RIMBP2: variants seen among roughly 807,000 people sequenced by gnomAD.
The protein encoded by RIMBP2 is RIMS-binding protein 2.
RIMBP2 carries 48 observed loss-of-function variants against 118.6 expected under a neutral mutation model. The observed-to-expected ratio is 0.40, with a 90% CI of 0.32 to 0.51. The LOEUF (loss-of-function observed/expected upper bound fraction) is 0.51. Among genes scored for constraint, RIMBP2 ranks in the 20% least tolerant of loss-of-function variants. The pLI, the probability that RIMBP2 is intolerant of heterozygous loss-of-function variation, is 0.41. For synonymous variants in RIMBP2, 762 were observed against 742.9 expected (o/e 1.03, Z -0.42); for missense variants, 1,551 against 1,768.3 (o/e 0.88, Z 2.20).
At chr12:130,595,334 G>A (rs1169934028) in intron 2 of RIMBP2, among the ~76,000 whole-genome samples, 7 of 151,916 alleles carry the variant, frequency 4.6e-5, no homozygotes, top group African/African-American at 1.5e-4. Context: ...CGAGATGGGC[G>A]GACTATGAGG....
intron 1 of RIMBP2, among the ~76,000 whole-genome samples, chr12:130,708,969 C>T (rs143332659): frequency 6.6e-6 from 1 of 152,348 alleles, no homozygotes; most frequent in East Asian, 1.9e-4. Flanking sequence ...GCCCCTCCAT[C>T]TCTCAAAGAC....
At chr12:130,646,397 A>G (rs1328772306) in intron 1 of RIMBP2, among the ~76,000 whole-genome samples, 1 of 131,486 alleles carries the variant, frequency 7.6e-6, no homozygotes. Flanking sequence ...CTCCCTCACC[A>G]CCTGCCTCTC....
In RIMBP2 at chr12:130,664,403, G is replaced by GCACACACGCA. The variant is rs1555320851; in HGVS notation, c.-351-35948_-351-35947insTGCGTGTGTG. ...CGCACGCGCATGCACACACACGCACGCACGCACGCACACACACGCACACAC... is the reference window on the plus strand; with the variant it reads ...CGCACGCGCATGCACACACACGCACGCACACACGCACACGCACGCACACACACGCACACAC... On this transcript the variant is annotated intron_variant, in intron 1 of 22. Coordinates refer to ENST00000690449, the MANE Select transcript of RIMBP2 (RefSeq NM_001393629.1). Among the ~76,000 whole-genome samples the GCACACACGCA allele has an allele frequency of 1.0e-3, 63 of 61,734 alleles. 2 individuals are homozygous for GCACACACGCA. Among genetic ancestry groups the GCACACACGCA allele is most frequent in the Non-Finnish European group, 2.2e-3 (49 of 22,754 alleles). 40.5% of individuals were successfully genotyped at this position (61,734 alleles called of 152,430 possible).
chr12:130,560,103 G>A (rs1158577295), intron 2 of RIMBP2, among the ~76,000 whole-genome samples: 1 of 152,164 alleles, frequency 6.6e-6, no homozygotes, highest in African/African-American at 2.4e-5. Context: ...TGTTTAATCT[G>A]AGATCTGGGA....
At chr12:130,709,668 G>A (rs1258331856) in intron 1 of RIMBP2, among the ~76,000 whole-genome samples, 1 of 152,122 alleles carries the variant, frequency 6.6e-6, no homozygotes, top group Non-Finnish European at 1.5e-5. Flanking sequence ...GTGATGGGGT[G>A]TGTTCCTGCT....
intron 1 of RIMBP2, among the ~76,000 whole-genome samples, chr12:130,715,849 C>T (rs574847162): frequency 6.6e-5 from 10 of 151,824 alleles, no homozygotes; most frequent in Non-Finnish European, 1.0e-4. Flanking sequence ...CGAGCGGGGC[C>T]GTGTCCATCG....
In RIMBP2 at chr12:130,475,534, G is replaced by C. The variant is rs573722267; in HGVS notation, c.102+3378C>G. On this transcript the variant is annotated intron_variant, in intron 5 of 22. Transcript: ENST00000690449. The surrounding 1 kb of genome is among the most constrained non-coding windows in gnomAD (Gnocchi z 4.1). The stretch of plus-strand genomic sequence containing the variant: ...AGGAAGCTGAGGATGAAAGCACAAA[G>C]AGGCAGGGAGGAGACCCGCAGACGG... Among the ~76,000 whole-genome samples the C allele has an allele frequency of 2.0e-5, 3 of 152,298 alleles. No individual in the cohort carries two copies. The South Asian group carries it at 6.2e-4, about 32-fold the overall frequency.
chr12:130,676,319 T>TAAA (rs34473551), intron 1 of RIMBP2, among the ~76,000 whole-genome samples: 1 of 133,314 alleles, frequency 7.5e-6, no homozygotes, highest in Non-Finnish European at 1.6e-5. Flanking sequence ...GAGGATGGAT[T>TAAA]AAAAAAAAAA....
intron 15 of RIMBP2, chr12:130,427,402 C>T (rs1313312702): frequency 6.6e-6 from 1 of 152,364 alleles, no homozygotes; most frequent in Non-Finnish European, 1.5e-5. Context: ...TCATCCCGCA[C>T]TGCCCTGCAG....
intron 2 of RIMBP2, among the ~76,000 whole-genome samples, chr12:130,612,530 A>G (rs1187680517): frequency 6.6e-6 from 1 of 152,188 alleles, no homozygotes; most frequent in Non-Finnish European, 1.5e-5. Flanking sequence ...AGTCTGGGGT[A>G]TTCTGTACAG....
Position 130,399,696 on chromosome 12 carries a change from G to A in RIMBP2, c.3883C>T (p.Arg1295Cys), listed in dbSNP as rs769354964. ...TTGCTTACCCTTTTTGCCTTTGAGCGCATTGGCGTATCTTGAGAGTAGTGG... is the reference window on the plus strand; with the variant it reads ...TTGCTTACCCTTTTTGCCTTTGAGCACATTGGCGTATCTTGAGAGTAGTGG... ...PSHYSQDTPM[R>C]SKAKRVPPEG... Residue 1295 changes from arginine to cysteine, a missense_variant, in exon 22 of 23, where the codon CGC becomes TGC. Arg to Cys is a radical substitution (Grantham distance 180). This residue lies in a region of RIMBP2 where 1,038 missense variants were observed against 1,125.1 expected (regional missense o/e 0.92). Coordinates refer to ENST00000690449, the MANE Select transcript of RIMBP2 (RefSeq NM_001393629.1). 2.5e-6 allele frequency: 4 copies of A among 1,613,704 alleles called. No individual in the cohort carries two copies. The highest frequency in any genetic ancestry group is 3.4e-6 in the Non-Finnish European group (4 of 1,179,864).
chr12:130,714,994 C>T (rs1262009566), intron 1 of RIMBP2, among the ~76,000 whole-genome samples: 2 of 152,198 alleles, frequency 1.3e-5, no homozygotes, highest in African/African-American at 2.4e-5. Flanking sequence ...GCCAGCTCCC[C>T]TCCCCTGCCC....
intron 4 of RIMBP2, among the ~76,000 whole-genome samples, chr12:130,480,741 C>T (rs1368857799): frequency 2.0e-5 from 3 of 152,110 alleles, no homozygotes; most frequent in Non-Finnish European, 4.4e-5. Context: ...GCTGGGATTA[C>T]AGGTGCCCAC....
intron 3 of RIMBP2, among the ~76,000 whole-genome samples, chr12:130,507,598 C>T (rs773334369): frequency 6.6e-6 from 1 of 152,210 alleles, no homozygotes; most frequent in Non-Finnish European, 1.5e-5. Context: ...TCTCAGGCCA[C>T]AACCCCCAGG....
intron 2 of RIMBP2, among the ~76,000 whole-genome samples, chr12:130,598,406 CAAGGG>C (rs1476211221): frequency 5.9e-5 from 9 of 152,204 alleles, no homozygotes; most frequent in Admixed American, 2.6e-4. Context: ...CATTAAAATG[CAAGGG>C]ATGTAAAATA....
intron 1 of RIMBP2, among the ~76,000 whole-genome samples, chr12:130,696,115 G>C (rs2065561362): frequency 6.6e-6 from 1 of 152,162 alleles, no homozygotes; most frequent in African/African-American, 2.4e-5. Flanking sequence ...ACGATGCATG[G>C]ACACAACCCT....
intron 2 of RIMBP2, among the ~76,000 whole-genome samples, chr12:130,569,367 G>T (rs2057461556): frequency 6.6e-6 from 1 of 152,146 alleles, no homozygotes; most frequent in African/African-American, 2.4e-5. Flanking sequence ...AGAATCCCAG[G>T]CTCCTTCTTC....
intron 1 of RIMBP2, among the ~76,000 whole-genome samples, chr12:130,638,106 C>T (rs2062433016): frequency 6.6e-6 from 1 of 152,098 alleles, no homozygotes; most frequent in Non-Finnish European, 1.5e-5. Flanking sequence ...AATTGGTGTC[C>T]AGAGCACAGA....
At chr12:130,619,480 G>A (rs979764894) in intron 2 of RIMBP2, among the ~76,000 whole-genome samples, 7 of 152,196 alleles carry the variant, frequency 4.6e-5, no homozygotes, top group African/African-American at 1.7e-4. Flanking sequence ...ACTTTCCAGT[G>A]TACAGAGTGG....
Sources: gnomAD v4.1 joint callset for allele counts (sites outside exome capture counted in the v4.1 genomes callset) on GRCh38, gnomAD v4.1.1 for gene constraint, gnomAD v4.1.1 regional missense constraint, Gnocchi (gnomAD v3.1) non-coding constraint, MANE v1.5 for transcripts, NCBI Gene and HGNC (gene_info 2026-07-23, HGNC 2026-07-21) for gene names.